SYNE1: variants seen among roughly 807,000 people sequenced by gnomAD.
The protein encoded by SYNE1 is spectrin repeat containing nuclear envelope protein 1.
Under a neutral mutation model 1,111.0 loss-of-function variants are expected in SYNE1, and 616 were observed. The observed-to-expected ratio is 0.55, with a 90% CI of 0.52 to 0.59. The LOEUF (loss-of-function observed/expected upper bound fraction) is 0.59, where lower values mean the gene tolerates loss of function less well. Ranked by LOEUF, SYNE1 falls within the 20% of genes least tolerant of loss-of-function variation. The pLI, the probability that SYNE1 is intolerant of heterozygous loss-of-function variation, is 0.00. For missense variants in SYNE1, 10,006 were observed against 10,417.0 expected, an observed-to-expected ratio of 0.96 and a Z score of 1.72; for synonymous variants, 3,855 against 3,825.8, an observed-to-expected ratio of 1.01 and a Z score of -0.28.
intron 104 of SYNE1, among the ~76,000 whole-genome samples, chr6:152,251,169 G>A (rs1245115229): frequency 2.6e-5 from 4 of 151,664 alleles, no homozygotes; most frequent in Admixed American, 6.6e-5. Context: ...CAGGCTGGTC[G>A]CGAACTCCTG....
chr6:152,256,899 T>G, intron 101 of SYNE1, 134 bp from the exon 102 acceptor site: 1 of 1,338,978 alleles, frequency 7.5e-7, no homozygotes, highest in Non-Finnish European at 1.0e-6. Flanking sequence ...ATATAACTTC[T>G]ACAACATACC....
At position 152,282,458 on chromosome 6, in the gene SYNE1, G is replaced by T. The variant is rs553379248; in HGVS notation, c.18208-478C>A. On this transcript the variant is annotated intron_variant, in intron 96 of 145. Transcript: ENST00000367255. Reference sequence around the variant, plus strand: ...CAATTGATCCCTGTGGGAAGCGGTGGCCCAGTGTTAACTTTCATCTCCAGT... The same window carrying T: ...CAATTGATCCCTGTGGGAAGCGGTGTCCCAGTGTTAACTTTCATCTCCAGT... 2.6e-5 allele frequency among the ~76,000 whole-genome samples: 4 copies of T among 152,150 alleles called. No homozygotes were observed. The East Asian group carries it at 5.8e-4, about 22-fold the overall frequency.
Position 152,151,610 on chromosome 6 carries a change from G to A in SYNE1, c.24393C>T (p.Leu8131=), listed in dbSNP as rs762437663. ...LVWLTEMDLQ[L]TNIEHFSECD... ...ACTCAGAAAAATGTTCAATATTAGTGAGCTGCAGATCCATCTCTGTGAGCC... is the reference window on the plus strand; with the variant it reads ...ACTCAGAAAAATGTTCAATATTAGTAAGCTGCAGATCCATCTCTGTGAGCC... Residue 8131 remains leucine (L), a synonymous_variant, in exon 135 of 146, where the codon CTC becomes CTT. Coordinates refer to ENST00000367255, the MANE Select transcript of SYNE1 (RefSeq NM_182961.4). The A allele has an allele frequency of 1.4e-5, 23 of 1,613,898 alleles. No homozygotes were observed. Among genetic ancestry groups the A allele is most frequent in the Non-Finnish European group, 1.9e-5 (23 of 1,180,030 alleles).
chr6:152,599,564 A>T (rs957761470), intron 3 of SYNE1, among the ~76,000 whole-genome samples: 2 of 152,192 alleles, frequency 1.3e-5, no homozygotes, highest in Non-Finnish European at 2.9e-5. Context: ...TAATTTTTAG[A>T]TAAACATGGA....
At chr6:152,453,147 C>G (rs940597197) in intron 25 of SYNE1, among the ~76,000 whole-genome samples, 1 of 152,084 alleles carries the variant, frequency 6.6e-6, no homozygotes, top group South Asian at 2.1e-4. Context: ...TTCTTGACTA[C>G]AAAATGTTTT....
chr6:152,186,995 C>T (rs2070328926), intron 128 of SYNE1, among the ~76,000 whole-genome samples: 1 of 152,148 alleles, frequency 6.6e-6, no homozygotes, highest in Non-Finnish European at 1.5e-5. Flanking sequence ...TAAGGTATTG[C>T]TTTCAGTTTG....
intron 3 of SYNE1, among the ~76,000 whole-genome samples, chr6:152,556,538 AC>A (rs1269168949): frequency 6.6e-6 from 1 of 151,880 alleles, no homozygotes; most frequent in Non-Finnish European, 1.5e-5. Context: ...CCAAAAGCCC[AC>A]CCCACTGCCT....
intron 130 of SYNE1, among the ~76,000 whole-genome samples, chr6:152,174,543 C>A (rs2813502): frequency 0.14 from 21,439 of 152,120 alleles, 2,299 homozygotes; most frequent in East Asian, 0.3. Context: ...ATTGTAAGTA[C>A]TTTACAAAGA....
Position 152,148,078 on chromosome 6 carries a change from C to T in SYNE1, c.24943G>A (p.Asp8315Asn), listed in dbSNP as rs1257996817. 1 of 1,614,170 alleles carries T rather than the reference C, an allele frequency of 6.2e-7. No individual in the cohort carries two copies. Among genetic ancestry groups the T allele is most frequent in the South Asian group, 1.1e-5 (1 of 91,080 alleles). ...SEDEEGQDDK[D>N]FYLRGAVGLS... ...CCAACAGCTCCCCGGAGGTAGAAATCTTTGTCATCCTGACCTTCTTCATCC... is the reference window on the plus strand; with the variant it reads ...CCAACAGCTCCCCGGAGGTAGAAATTTTTGTCATCCTGACCTTCTTCATCC... Residue 8315 changes from aspartate (D) to asparagine (N), a missense_variant, in exon 137 of 146, where the codon GAT becomes AAT. Asp to Asn is a conservative substitution (Grantham distance 23, BLOSUM62 1). Transcript: ENST00000367255. This position sits in a 1 kb window ranked among gnomAD's most constrained non-coding sequence, Gnocchi z 4.1.
intron 36 of SYNE1, 27 bp downstream of exon 36, chr6:152,430,085 A>T: frequency 9.3e-7 from 1 of 1,079,278 alleles, no homozygotes; most frequent in Non-Finnish European, 1.3e-6. Flanking sequence ...GTTGGTAAAT[A>T]GTAGAAATGT....
rs116825563 is a variant in SYNE1, at chr6:152,531,767, T to C, written c.130-5592A>G. On this transcript the variant is annotated intron_variant, in intron 4 of 145. Coordinates refer to ENST00000367255, the MANE Select transcript of SYNE1 (RefSeq NM_182961.4). ...CACACAGTATCTGTCATTTTGTGACTGGCTTATTTCACTTATTATAACGTC... is the reference window on the plus strand; with the variant it reads ...CACACAGTATCTGTCATTTTGTGACCGGCTTATTTCACTTATTATAACGTC... Among the ~76,000 whole-genome samples, 1,196 of 152,352 alleles carry C rather than the reference T, an allele frequency of 7.9e-3. 22 individuals carry two copies. Among genetic ancestry groups the C allele is most frequent in the African/African-American group, 0.027 (1,141 of 41,574 alleles).
rs768743667 is a variant in SYNE1 at position 152,330,503 on chromosome 6, C to T, written c.14182G>A (p.Glu4728Lys). ...TTCTGGTTCAGTTCATCCACCGCCT[C>T]CCCAAGGCCCGCCACCTCGTCCAGA... ...AILDEVAGLG[E>K]AVDELNQKKE... Residue 4728 changes from glutamate (E) to lysine (K), a missense_variant, in exon 78 of 146, where the codon GAG becomes AAG. By Grantham distance (56) the Glu-to-Lys change is moderately conservative. Around this residue, in one of 7 missense-constraint regions of SYNE1, gnomAD observed 4,955 missense variants for 5,017.2 expected, o/e 0.99. Transcript: ENST00000367255. 7 of 1,614,138 alleles carry T rather than the reference C, an allele frequency of 4.3e-6. No homozygotes were observed. The highest frequency in any genetic ancestry group is 1.1e-5 in the South Asian group (1 of 91,082).
At chr6:152,382,265 C>T (rs529566567) in intron 55 of SYNE1, among the ~76,000 whole-genome samples, 8 of 151,858 alleles carry the variant, frequency 5.3e-5, no homozygotes, top group East Asian at 3.9e-4. Flanking sequence ...ACTTTACTAC[C>T]GGATTAAATA....
intron 63 of SYNE1, chr6:152,363,726 C>A: frequency 2.2e-6 from 1 of 454,882 alleles, no homozygotes; most frequent in Non-Finnish European, 4.4e-6. Context: ...TCTCTAGCCC[C>A]TGATGTACTC....
intron 45 of SYNE1, 67 bp downstream of exon 45, chr6:152,406,947 T>TA: frequency 8.0e-7 from 1 of 1,251,556 alleles, no homozygotes; most frequent in East Asian, 2.6e-5. Flanking sequence ...AGAAAGACTT[T>TA]TTTTTTTTTT....
chr6:152,408,643 T>C (rs1449479035), intron 44 of SYNE1, among the ~76,000 whole-genome samples: 1 of 152,116 alleles, frequency 6.6e-6, no homozygotes. Context: ...TCATTTTGCA[T>C]TTAGTACTAA....
chr6:152,180,430 T>C (rs2153182004), intron 128 of SYNE1, 136 bp from the exon 129 acceptor site: 4 of 827,380 alleles, frequency 4.8e-6, no homozygotes, highest in Non-Finnish European at 7.6e-6. Context: ...TCCTGAAGTC[T>C]AGGATTTGCT....
Position 152,121,960 on chromosome 6 carries a change from C to T in SYNE1, c.*476G>A, listed in dbSNP as rs1303104133. 2 of 166,238 alleles carry T rather than the reference C, an allele frequency of 1.2e-5. No individual in the cohort carries two copies. Among genetic ancestry groups the T allele is most frequent in the African/African-American group, 4.8e-5 (2 of 41,782 alleles). The allele number at this position is 166,238 out of a possible 1,614,324, so 10.3% of individuals were successfully genotyped here. A position where few individuals can be genotyped will look rare whatever the true frequency, so the allele number is the denominator to read the frequency against. On this transcript the variant is annotated 3_prime_UTR_variant, in exon 146 of 146. Transcript: ENST00000367255. ...TAAAAAGGAAGCTGCCATATAAGCTCTTAAAAATTGTATGTTACAAGGTTC... is the reference window on the plus strand; with the variant it reads ...TAAAAAGGAAGCTGCCATATAAGCTTTTAAAAATTGTATGTTACAAGGTTC...
At chr6:152,281,195 A>G (rs1043642078) in intron 97 of SYNE1, among the ~76,000 whole-genome samples, 1 of 152,230 alleles carries the variant, frequency 6.6e-6, no homozygotes, top group Non-Finnish European at 1.5e-5. Flanking sequence ...TTCATTATCT[A>G]TTCTTTATAC....
Sources: allele counts gnomAD v4.1 joint callset (sites outside exome capture counted in the v4.1 genomes callset), GRCh38; gene constraint gnomAD v4.1.1; regional missense constraint gnomAD v4.1.1; non-coding constraint Gnocchi (gnomAD v3.1); transcripts MANE v1.5; gene names NCBI Gene and HGNC (gene_info 2026-07-23, HGNC 2026-07-21).